Variants in RAB27A observed in about 807,000 individuals in gnomAD.
RAB27A encodes the protein ras-related protein Rab-27A.
Under a neutral mutation model 20.8 loss-of-function variants are expected in RAB27A, and 17 were observed. The ratio of observed to expected loss-of-function variants is 0.82; its 90% CI spans 0.56 to 1.23. RAB27A has a LOEUF of 1.23. Among genes scored for constraint, RAB27A ranks in the 50% most tolerant of loss-of-function variants. RAB27A has a pLI of 0.00. For missense variants in RAB27A, 277 were observed against 266.7 expected (o/e 1.04, Z -0.27); for synonymous variants, 85 against 92.8 (o/e 0.92, Z 0.48).
upstream of RAB27A, among the ~76,000 whole-genome samples, chr15:55,292,956 T>C (rs151043609): frequency 6.6e-6 from 1 of 151,904 alleles, no homozygotes; most frequent in Non-Finnish European, 1.5e-5. Context: ...TCCAGAGAGG[T>C]AGGAAGAAAA....
chr15:55,223,980 G>A lies in RAB27A; in HGVS notation c.376C>T (p.Pro126Ser), dbSNP rs1343658287. Residue 126 changes from proline to serine, a missense_variant, in exon 6 of 7, where the codon CCA becomes TCA. Physicochemically the swap from Pro to Ser is moderately conservative, Grantham distance 74. Transcript: ENST00000336787. The part of the protein sequence containing the change: ...QLQMHAYCEN[P>S]DIVLCGNKSD... ...TTGTTTCCACACAGCACTATATCTGGGTTTTCACAATATGCATGCATCTGT... is the reference window on the plus strand; with the variant it reads ...TTGTTTCCACACAGCACTATATCTGAGTTTTCACAATATGCATGCATCTGT... The A allele has an allele frequency of 6.2e-7, 1 of 1,603,604 alleles. No homozygotes were observed. Among genetic ancestry groups the A allele is most frequent in the Non-Finnish European group, 8.5e-7 (1 of 1,170,720 alleles).
chr15:55,285,071 A>G (rs1313488002), intron 1 of RAB27A, among the ~76,000 whole-genome samples: 1 of 152,244 alleles, frequency 6.6e-6, no homozygotes, highest in Non-Finnish European at 1.5e-5. Flanking sequence ...CATTTTGGAT[A>G]AAGAACAATT....
Position 55,277,331 on chromosome 15 carries a change from A to T in RAB27A, c.-142-7047T>A, listed in dbSNP as rs372921442. Among the ~76,000 whole-genome samples, 22 of 152,240 alleles carry T rather than the reference A, an allele frequency of 1.4e-4. 1 individual carries two copies. The highest frequency in any genetic ancestry group is 8.3e-4 in the South Asian group (4 of 4,814). On this transcript the variant is annotated intron_variant, in intron 1 of 6. Transcript: ENST00000336787. The stretch of plus-strand genomic sequence containing the variant: ...GGTTTTTTGTAACAGCCCTTGTAAA[A>T]CAACGTCCACGTATAACTTTGGTAA...
At chr15:55,219,901 G>A (rs1219783946) in intron 6 of RAB27A, among the ~76,000 whole-genome samples, 1 of 151,684 alleles carries the variant, frequency 6.6e-6, no homozygotes, top group Non-Finnish European at 1.5e-5. Flanking sequence ...GTTAGGAAGT[G>A]ACCTAAGAGC....
intron 3 of RAB27A, among the ~76,000 whole-genome samples, chr15:55,231,568 G>A (rs1307426465): frequency 1.3e-5 from 2 of 152,044 alleles, no homozygotes; most frequent in African/African-American, 4.8e-5. Context: ...TTTTTACCTT[G>A]CCCTATTCCC....
At chr15:55,233,961 C>A (rs1366963701) in intron 3 of RAB27A, among the ~76,000 whole-genome samples, 8 of 152,108 alleles carry the variant, frequency 5.3e-5, no homozygotes. Flanking sequence ...TCTCTATAAG[C>A]CTCTCTGGTA....
chr15:55,302,844 C>T (rs2054978889), intron 2 of RAB27A, among the ~76,000 whole-genome samples: 1 of 141,172 alleles, frequency 7.1e-6, no homozygotes, highest in Non-Finnish European at 1.5e-5. Context: ...CTGGCAACCA[C>T]CCCGTCTGAG....
At chr15:55,297,063 G>C (rs2054952438) in intron 2 of RAB27A, among the ~76,000 whole-genome samples, 1 of 152,202 alleles carries the variant, frequency 6.6e-6, no homozygotes, top group African/African-American at 2.4e-5. Flanking sequence ...CATCCAGAGA[G>C]GGGAGGGTAA....
chr15:55,305,807 C>T (rs28800886), intron 2 of RAB27A, among the ~76,000 whole-genome samples: 11,815 of 152,188 alleles, frequency 0.078, 1,553 homozygotes, highest in African/African-American at 0.27. Flanking sequence ...GAATCGGCGA[C>T]CTGTTCCATG....
At chr15:55,276,526 C>T (rs561568558) in intron 1 of RAB27A, among the ~76,000 whole-genome samples, 1 of 152,188 alleles carries the variant, frequency 6.6e-6, no homozygotes, top group African/African-American at 2.4e-5. Context: ...GCTATGATCA[C>T]GTCACTGCAC....
chr15:55,278,996 G>C (rs549040161), intron 1 of RAB27A, among the ~76,000 whole-genome samples: 2 of 152,146 alleles, frequency 1.3e-5, no homozygotes, highest in African/African-American at 4.8e-5. Context: ...CAGCCTGAAG[G>C]AAATTGCTCA....
intron 6 of RAB27A, among the ~76,000 whole-genome samples, chr15:55,209,421 A>G (rs772451233): frequency 2.0e-5 from 3 of 152,146 alleles, no homozygotes; most frequent in Admixed American, 6.5e-5. Flanking sequence ...GCTATTTCAC[A>G]TAACATAATG....
intron 2 of RAB27A, among the ~76,000 whole-genome samples, chr15:55,310,398 G>T (rs2055015197): frequency 6.6e-6 from 1 of 152,194 alleles, no homozygotes; most frequent in Admixed American, 6.5e-5. Flanking sequence ...CAGTCCTGCT[G>T]CTGGATCATC....
chr15:55,217,448 C>A (rs1250729555), intron 6 of RAB27A, among the ~76,000 whole-genome samples: 1 of 151,652 alleles, frequency 6.6e-6, no homozygotes, highest in Non-Finnish European at 1.5e-5. Context: ...TCACTTGAGG[C>A]CAAAAGTTCA....
intron 3 of RAB27A, 98 bp from the exon 4 acceptor site, chr15:55,230,584 A>C: frequency 1.1e-6 from 1 of 930,056 alleles, no homozygotes; most frequent in East Asian, 2.4e-5. Context: ...GGCATCTAAA[A>C]TTCCAAAGAG....
At chr15:55,223,314 GGCC>G (rs908809350) in intron 6 of RAB27A, among the ~76,000 whole-genome samples, 3 of 151,972 alleles carry the variant, frequency 2.0e-5, no homozygotes, top group Admixed American at 2.0e-4. Context: ...AGACCAGCCT[GGCC>G]AATATGGTAC....
intron 2 of RAB27A, among the ~76,000 whole-genome samples, chr15:55,253,040 T>A (rs1428457619): frequency 6.7e-6 from 1 of 149,168 alleles, no homozygotes; most frequent in Non-Finnish European, 1.5e-5. Context: ...GCTGAGGCAG[T>A]AGAATCACTT....
chr15:55,317,798 CAACA>C (rs1595759996), intron 1 of RAB27A: 2 of 398,014 alleles, frequency 5.0e-6, no homozygotes, highest in Non-Finnish European at 8.9e-6. Flanking sequence ...AACATTGCTG[CAACA>C]AATACAGCTC....
intron 2 of RAB27A, among the ~76,000 whole-genome samples, chr15:55,313,665 G>A (rs886229413): frequency 6.6e-6 from 1 of 152,196 alleles, no homozygotes; most frequent in Non-Finnish European, 1.5e-5. Flanking sequence ...CTTCAGGTCA[G>A]GAGTTGAAGA....
Sources: gnomAD v4.1 joint callset for allele counts (sites outside exome capture counted in the v4.1 genomes callset) on GRCh38, gnomAD v4.1.1 for gene constraint, MANE v1.5 for transcripts, NCBI Gene and HGNC (gene_info 2026-07-23, HGNC 2026-07-21) for gene names.